Variants in PLEKHA6 observed in about 807,000 individuals in gnomAD.
PLEKHA6 encodes the protein pleckstrin homology domain containing A6, also known as pleckstrin homology domain-containing family A member 6.
A neutral mutation model predicts 116.7 loss-of-function variants in PLEKHA6; 60 were observed. That is an observed-to-expected ratio of 0.51 (90% CI 0.42 to 0.64). The LOEUF (loss-of-function observed/expected upper bound fraction) is 0.64. Ranked by LOEUF, PLEKHA6 falls within the 30% of genes least tolerant of loss-of-function variation. PLEKHA6 has a pLI of 0.00. For synonymous variants in PLEKHA6, 489 were observed against 556.1 expected, an observed-to-expected ratio of 0.88 and a Z score of 1.70; for missense variants, 1,338 against 1,422.7, an observed-to-expected ratio of 0.94 and a Z score of 0.96.
intron 1 of PLEKHA6, among the ~76,000 whole-genome samples, chr1:204,305,478 G>C (rs1671211424): frequency 6.6e-6 from 1 of 152,144 alleles, no homozygotes; most frequent in African/African-American, 2.4e-5. Flanking sequence ...TAAACTGAGA[G>C]ACCCTTGAAG....
At chr1:204,350,700 G>A (rs1430967397) in intron 1 of PLEKHA6, among the ~76,000 whole-genome samples, 2 of 152,194 alleles carry the variant, frequency 1.3e-5, no homozygotes, top group African/African-American at 4.8e-5. Flanking sequence ...TCTGGGAGAT[G>A]GGGGCGGGGG....
intron 1 of PLEKHA6, chr1:204,297,272 T>C: frequency 1.1e-6 from 1 of 886,138 alleles, no homozygotes; most frequent in Non-Finnish European, 1.4e-6. Context: ...AGTGTCTAAA[T>C]GTAAATTTCT....
chr1:204,356,601 G>A (rs1226245335), intron 1 of PLEKHA6, among the ~76,000 whole-genome samples: 1 of 147,936 alleles, frequency 6.8e-6, no homozygotes. Flanking sequence ...TAATAATAAT[G>A]CTGTTAAAGA....
chr1:204,261,239 C>T lies in PLEKHA6; in HGVS notation c.524+67G>A. ...CACTGGGATTAGCAATGGCCCAGAG[C>T]TGGGTGTGTCTTCCATTCCCCTCTT... On this transcript the variant is annotated intron_variant, in intron 7 of 22. Coordinates refer to ENST00000272203, the MANE Select transcript of PLEKHA6 (RefSeq NM_014935.5). The surrounding 1 kb of genome is among the most constrained non-coding windows in gnomAD (Gnocchi z 4.0). The T allele has an allele frequency of 2.5e-6, 4 of 1,570,102 alleles. No homozygotes were observed. Among genetic ancestry groups the T allele is most frequent in the East Asian group, 2.2e-5 (1 of 44,680 alleles).
At chr1:204,263,941 T>C (rs1290331483) in intron 6 of PLEKHA6, among the ~76,000 whole-genome samples, 1 of 152,146 alleles carries the variant, frequency 6.6e-6, no homozygotes, top group African/African-American at 2.4e-5. Context: ...TTGCTCCCTG[T>C]AGCGGGCCCT....
chr1:204,293,979 T>C (rs1670021528), intron 1 of PLEKHA6, among the ~76,000 whole-genome samples: 2 of 152,240 alleles, frequency 1.3e-5, no homozygotes, highest in Non-Finnish European at 2.9e-5. Context: ...GGACTGTATA[T>C]TAGATAATAG....
intron 3 of PLEKHA6, among the ~76,000 whole-genome samples, chr1:204,269,087 T>C (rs529296823): frequency 6.6e-6 from 1 of 151,986 alleles, no homozygotes; most frequent in African/African-American, 2.4e-5. Flanking sequence ...CCTTTAATCT[T>C]CTCAGCACCC....
intron 1 of PLEKHA6, among the ~76,000 whole-genome samples, chr1:204,330,064 A>G (rs1262925357): frequency 2.0e-5 from 3 of 152,234 alleles, no homozygotes; most frequent in Admixed American, 2.0e-4. Flanking sequence ...AGGGAAATAT[A>G]AACAGTAACA....
rs1002566653 is a variant in PLEKHA6 at position 204,222,409 on chromosome 1, A to G, written c.*379T>C. On this transcript the variant is annotated 3_prime_UTR_variant, in exon 23 of 23. Coordinates refer to ENST00000272203, the MANE Select transcript of PLEKHA6 (RefSeq NM_014935.5). ...TAAGATAGCCACAGGTGTGTTCTCC[A>G]CCACGGCATGTCCCCCATCAGGGAA... 9.2e-5 allele frequency: 14 copies of G among 152,704 alleles called. No homozygotes were observed. Among genetic ancestry groups the G allele is most frequent in the African/African-American group, 3.4e-4 (14 of 41,468 alleles). The allele number at this position is 152,704 out of a possible 1,614,324, so 9.5% of individuals were successfully genotyped here. A position where few individuals can be genotyped will look rare whatever the true frequency, so the allele number is the denominator to read the frequency against.
intron 15 of PLEKHA6, 27 bp downstream of exon 15, chr1:204,244,837 T>G: frequency 6.6e-7 from 1 of 1,523,884 alleles, no homozygotes; most frequent in Non-Finnish European, 8.8e-7. Context: ...CTCCCCCACC[T>G]ACCTTCTACT....
At chr1:204,367,396 A>T (rs1349531663) in intron 3 of PLEKHA6, among the ~76,000 whole-genome samples, 4 of 152,120 alleles carry the variant, frequency 2.6e-5, no homozygotes. Flanking sequence ...CCTCCTTCGT[A>T]CACCCCACGG....
intron 1 of PLEKHA6, among the ~76,000 whole-genome samples, chr1:204,316,310 A>G (rs1166108654): frequency 6.6e-6 from 1 of 152,200 alleles, no homozygotes; most frequent in East Asian, 1.9e-4. Context: ...CTTTCTCGAT[A>G]CAGGATGTGG....
At chr1:204,330,366 A>C (rs998721147) in intron 1 of PLEKHA6, among the ~76,000 whole-genome samples, 8 of 152,390 alleles carry the variant, frequency 5.2e-5, no homozygotes, top group African/African-American at 1.9e-4. Flanking sequence ...GTCAGAGGGC[A>C]GAAAGGACCA....
intron 1 of PLEKHA6, among the ~76,000 whole-genome samples, chr1:204,295,340 AGTAACCAG>A (rs1670164594): frequency 1.3e-5 from 2 of 152,120 alleles, no homozygotes; most frequent in Admixed American, 6.5e-5. Context: ...AAATACAAAA[AGTAACCAG>A]GTGTGGTGGC....
chr1:204,223,392 A>C lies in PLEKHA6; in HGVS notation c.*8+70T>G. 1 of 780,644 alleles carries C rather than the reference A, an allele frequency of 1.3e-6. No homozygotes were observed. The highest frequency in any genetic ancestry group is 1.5e-5 in the South Asian group (1 of 68,718). 48.4% of individuals were successfully genotyped at this position (780,644 alleles called of 1,614,324 possible). On this transcript the variant is annotated intron_variant, in intron 22 of 22. Coordinates refer to ENST00000272203, the MANE Select transcript of PLEKHA6 (RefSeq NM_014935.5). This position sits in a 1 kb window ranked among gnomAD's most constrained non-coding sequence, Gnocchi z 4.8. ...GCAATACCAAAATGAGAGGGCATAGATGGCTCAATGGGGGTGAAGGAAGGG... is the reference window on the plus strand; with the variant it reads ...GCAATACCAAAATGAGAGGGCATAGCTGGCTCAATGGGGGTGAAGGAAGGG...
chr1:204,323,040 G>T lies in PLEKHA6; in HGVS notation c.-95+36654C>A, dbSNP rs1572179667. Among the ~76,000 whole-genome samples, 3 of 152,364 alleles carry T rather than the reference G, an allele frequency of 2.0e-5. No homozygotes were observed. The East Asian group carries it at 5.8e-4, about 29-fold the overall frequency. ...GCCTTCCCCGCTTTTACATTGGTTA[G>T]AGCCATTTATGTCACATTTATTCAT... On this transcript the variant is annotated intron_variant, in intron 1 of 22. Coordinates refer to ENST00000272203, the MANE Select transcript of PLEKHA6 (RefSeq NM_014935.5).
chr1:204,376,165 T>C (rs1277662990), intron 1 of PLEKHA6, among the ~76,000 whole-genome samples: 1 of 152,148 alleles, frequency 6.6e-6, no homozygotes, highest in Admixed American at 6.5e-5. Context: ...GCCCAATAAA[T>C]GTTTGTAGAA....
At chr1:204,343,150 TA>T (rs1234359540) in intron 1 of PLEKHA6, among the ~76,000 whole-genome samples, 1 of 152,210 alleles carries the variant, frequency 6.6e-6, no homozygotes, top group Non-Finnish European at 1.5e-5. Context: ...GAGCTCAATT[TA>T]AACACCAGTG....
chr1:204,314,086 T>C (rs1400330711), intron 1 of PLEKHA6, among the ~76,000 whole-genome samples: 1 of 152,064 alleles, frequency 6.6e-6, no homozygotes, highest in Non-Finnish European at 1.5e-5. Flanking sequence ...AGGGACAGGA[T>C]CTTCTGAGGG....
Sources: allele counts gnomAD v4.1 joint callset (sites outside exome capture counted in the v4.1 genomes callset), GRCh38; gene constraint gnomAD v4.1.1; non-coding constraint Gnocchi (gnomAD v3.1); transcripts MANE v1.5; gene names NCBI Gene and HGNC (gene_info 2026-07-23, HGNC 2026-07-21).